DYNC2H1: variants seen among roughly 807,000 people sequenced by gnomAD.
DYNC2H1 encodes cytoplasmic dynein 2 heavy chain 1.
A neutral mutation model predicts 570.0 loss-of-function variants in DYNC2H1; 410 were observed. The observed-to-expected ratio is 0.72, with a 90% CI of 0.66 to 0.78. DYNC2H1 has a LOEUF of 0.78. DYNC2H1 is among the 30% of genes least tolerant of loss of function. The pLI, the probability that DYNC2H1 is intolerant of heterozygous loss-of-function variation, is 0.00. For missense variants in DYNC2H1, 4,865 were observed against 5,046.4 expected (o/e 0.96, Z 1.09); for synonymous variants, 1,688 against 1,677.6 (o/e 1.01, Z -0.15).
chr11:103,176,275 T>C lies in DYNC2H1; in HGVS notation c.5715T>C (p.Asn1905=). The change falls in exon 37 of 89, where the codon AAT becomes AAC. Residue 1905 remains asparagine, a synonymous_variant. Coordinates refer to ENST00000375735, the MANE Select transcript of DYNC2H1 (RefSeq NM_001377.3). ...SHIVVQALRL[N]TMSKFTFTDC... Reference sequence around the variant, plus strand: ...TTGTGGTACAAGCACTGAGGCTTAATACCATGTCAAAGTTTACGTTTACTG... The same window carrying C: ...TTGTGGTACAAGCACTGAGGCTTAACACCATGTCAAAGTTTACGTTTACTG... The C allele has an allele frequency of 1.3e-6, 2 of 1,542,932 alleles. No individual in the cohort carries two copies.
intron 34 of DYNC2H1, 37 bp downstream of exon 34, chr11:103,171,105 T>C: frequency 6.7e-7 from 1 of 1,502,048 alleles, no homozygotes; most frequent in Non-Finnish European, 9.0e-7. Context: ...AATTAAAATA[T>C]TTTGTAAGAC....
In DYNC2H1 at chr11:103,461,099, A is replaced by C. The variant is rs1032708181; in HGVS notation, c.12648+4743A>C. 1.3e-5 allele frequency among the ~76,000 whole-genome samples: 2 copies of C among 152,190 alleles called. No individual in the cohort carries two copies. Among genetic ancestry groups the C allele is most frequent in the African/African-American group, 4.8e-5 (2 of 41,456 alleles). On this transcript the variant is annotated intron_variant, in intron 87 of 88. Transcript: ENST00000375735. The surrounding 1 kb of genome is among the most constrained non-coding windows in gnomAD (Gnocchi z 4.8). The stretch of plus-strand genomic sequence containing the variant: ...TGTGAGCTATAAAAGCACATTTTCT[A>C]ACTTTCTCGCCTGCAGTTTCCAATA...
intron 63 of DYNC2H1, among the ~76,000 whole-genome samples, chr11:103,242,992 CG>C (rs1052236457): frequency 2.6e-5 from 4 of 152,004 alleles, no homozygotes; most frequent in African/African-American, 9.7e-5. Context: ...GCCACCACAC[CG>C]GGCCTGACTT....
At chr11:103,309,166 C>CTTTTTTTTTTTT (rs1274431520) in intron 78 of DYNC2H1, among the ~76,000 whole-genome samples, 8 of 56,538 alleles carry the variant, frequency 1.4e-4, no homozygotes, top group Non-Finnish European at 2.8e-4. Flanking sequence ...TAACTGCATG[C>CTTTTTTTTTTTT]TATTTTTTTT....
chr11:103,193,941 A>T (rs1862417012), intron 47 of DYNC2H1, among the ~76,000 whole-genome samples: 1 of 152,210 alleles, frequency 6.6e-6, no homozygotes, highest in African/African-American at 2.4e-5. Flanking sequence ...AGAAAAATTT[A>T]ATCTTGGAGA....
chr11:103,397,390 T>C (rs1397212957), intron 83 of DYNC2H1, among the ~76,000 whole-genome samples: 1 of 152,210 alleles, frequency 6.6e-6, no homozygotes, highest in African/African-American at 2.4e-5. Context: ...TACTGCATAG[T>C]CGTTGTAACA....
chr11:103,308,791 C>A (rs564004174), intron 78 of DYNC2H1, among the ~76,000 whole-genome samples: 1 of 152,038 alleles, frequency 6.6e-6, no homozygotes, highest in Non-Finnish European at 1.5e-5. Flanking sequence ...ATATCTTATT[C>A]GGAGAAATGT....
chr11:103,440,049 T>C (rs1272017247), intron 85 of DYNC2H1, among the ~76,000 whole-genome samples: 1 of 152,150 alleles, frequency 6.6e-6, no homozygotes, highest in Admixed American at 6.6e-5. Context: ...AATCTTACAT[T>C]GTCAGCTTTG....
chr11:103,244,805 T>A lies in DYNC2H1; in HGVS notation c.9919-446T>A, dbSNP rs1489485582. 6.7e-6 allele frequency among the ~76,000 whole-genome samples: 1 copy of A among 149,930 alleles called. No homozygotes were observed. Among genetic ancestry groups the A allele is most frequent in the African/African-American group, 2.4e-5 (1 of 41,024 alleles). On this transcript the variant is annotated intron_variant, in intron 64 of 88. Coordinates refer to ENST00000375735, the MANE Select transcript of DYNC2H1 (RefSeq NM_001377.3). The surrounding 1 kb of genome is among the most constrained non-coding windows in gnomAD (Gnocchi z 4.3). ...TAAGTACTATATCTATATATAGTCA[T>A]AGTTATAGACATATAAGTAACTATA...
chr11:103,434,514 A>G (rs754408286), intron 84 of DYNC2H1, among the ~76,000 whole-genome samples: 5 of 151,550 alleles, frequency 3.3e-5, no homozygotes, highest in African/African-American at 7.3e-5. Flanking sequence ...ACATTCTCCT[A>G]AAGATCCCTC....
chr11:103,299,593 A>T lies in DYNC2H1; in HGVS notation c.11096-3500A>T, dbSNP rs951543109. Among the ~76,000 whole-genome samples, 1 of 152,090 alleles carries T rather than the reference A, an allele frequency of 6.6e-6. No homozygotes were observed. Among genetic ancestry groups the T allele is most frequent in the African/African-American group, 2.4e-5 (1 of 41,434 alleles). Reference sequence around the variant, plus strand: ...CCATCCTTAAAGCCAACATTAGCAGATCGATTCCTTTGCATGCTTCATATC... The same window carrying T: ...CCATCCTTAAAGCCAACATTAGCAGTTCGATTCCTTTGCATGCTTCATATC... On this transcript the variant is annotated intron_variant, in intron 75 of 88. Coordinates refer to ENST00000375735, the MANE Select transcript of DYNC2H1 (RefSeq NM_001377.3). The surrounding 1 kb of genome is among the most constrained non-coding windows in gnomAD (Gnocchi z 4.5).
chr11:103,406,171 C>T (rs192923263), intron 84 of DYNC2H1: 22 of 152,096 alleles, frequency 1.4e-4, no homozygotes, highest in Admixed American at 2.6e-4. Context: ...AATTTACTTA[C>T]TAAGGGCTTT....
chr11:103,315,609 A>T (rs901642427), intron 79 of DYNC2H1, among the ~76,000 whole-genome samples: 1 of 151,960 alleles, frequency 6.6e-6, no homozygotes, highest in Non-Finnish European at 1.5e-5. Context: ...GTCTACTTTT[A>T]TCTTTGTATG....
chr11:103,423,416 A>C (rs1055686271), intron 84 of DYNC2H1, among the ~76,000 whole-genome samples: 1 of 29,832 alleles, frequency 3.4e-5, no homozygotes. Flanking sequence ...AGTAAAAAAA[A>C]AAAAAAAAAA....
At chr11:103,449,736 GCCATAATTTTACT>G (rs925155886) in intron 85 of DYNC2H1, among the ~76,000 whole-genome samples, 11 of 152,078 alleles carry the variant, frequency 7.2e-5, no homozygotes, top group Admixed American at 2.0e-4. Flanking sequence ...GCATGTTAGA[GCCATAATTTTACT>G]CATTGAATTC....
intron 75 of DYNC2H1, among the ~76,000 whole-genome samples, chr11:103,291,013 G>C (rs1476768742): frequency 1.3e-5 from 2 of 152,170 alleles, no homozygotes; most frequent in South Asian, 4.1e-4. Flanking sequence ...AGCCATGGAT[G>C]GGGGAGTGGT....
At chr11:103,217,847 T>A (rs1565404242) in intron 55 of DYNC2H1, among the ~76,000 whole-genome samples, 2 of 152,202 alleles carry the variant, frequency 1.3e-5, no homozygotes, top group African/African-American at 4.8e-5. Flanking sequence ...TTCAGAATTT[T>A]AAAAATACTG....
rs1218130047 is a variant in DYNC2H1, at chr11:103,239,988, A to G, written c.9819+3449A>G. ...TTAGATATTTTTACCCATTCTTTCT[A>G]GGCAGCTCAAAATTTATCAGCCTTT... On this transcript the variant is annotated intron_variant, in intron 63 of 88. Coordinates refer to ENST00000375735, the MANE Select transcript of DYNC2H1 (RefSeq NM_001377.3). The surrounding 1 kb of genome is among the most constrained non-coding windows in gnomAD (Gnocchi z 4.3). 6.6e-6 allele frequency among the ~76,000 whole-genome samples: 1 copy of G among 151,774 alleles called. No individual in the cohort carries two copies. The highest frequency in any genetic ancestry group is 1.5e-5 in the Non-Finnish European group (1 of 67,992).
chr11:103,183,609 C>T (rs1296912793), intron 40 of DYNC2H1, among the ~76,000 whole-genome samples: 1 of 151,892 alleles, frequency 6.6e-6, no homozygotes, highest in South Asian at 2.1e-4. Flanking sequence ...GTATTTATAA[C>T]TAGAACTTTG....
Sources: allele counts gnomAD v4.1 joint callset (sites outside exome capture counted in the v4.1 genomes callset), GRCh38; gene constraint gnomAD v4.1.1; non-coding constraint Gnocchi (gnomAD v3.1); transcripts MANE v1.5; gene names NCBI Gene and HGNC (gene_info 2026-07-23, HGNC 2026-07-21).